CSTF3: variants seen among roughly 807,000 people sequenced by gnomAD.
CSTF3 encodes CF-1 77 kDa subunit.
CSTF3 carries 29 observed loss-of-function variants against 105.8 expected under a neutral mutation model. The observed-to-expected ratio is 0.27, with a 90% CI of 0.20 to 0.37. The LOEUF is 0.37. CSTF3 is among the 10% of genes least tolerant of loss of function. CSTF3 has a pLI of 1.00. For missense variants in CSTF3, 357 were observed against 879.3 expected, an observed-to-expected ratio of 0.41 and a Z score of 7.51; for synonymous variants, 252 against 281.9, an observed-to-expected ratio of 0.89 and a Z score of 1.06.
At chr11:33,114,810 C>G (rs913888457) in intron 3 of CSTF3, among the ~76,000 whole-genome samples, 2 of 151,806 alleles carry the variant, frequency 1.3e-5, no homozygotes, top group African/African-American at 4.8e-5. Context: ...GAGACTGCAC[C>G]ATTGCACTCC....
intron 3 of CSTF3, 67 bp from the exon 4 acceptor site, chr11:33,108,485 C>A: frequency 1.6e-6 from 2 of 1,243,938 alleles, no homozygotes; most frequent in Non-Finnish European, 1.1e-6. Context: ...AATTTTTGAC[C>A]AATTTTTAAC....
At chr11:33,123,330 A>T (rs187722231) in intron 3 of CSTF3, among the ~76,000 whole-genome samples, 2 of 152,298 alleles carry the variant, frequency 1.3e-5, no homozygotes, top group Admixed American at 1.3e-4. Context: ...TTTTTTACTT[A>T]TAAGTACTGG....
intron 3 of CSTF3, among the ~76,000 whole-genome samples, chr11:33,139,122 T>C (rs1469369270): frequency 3.3e-5 from 5 of 151,920 alleles, no homozygotes; most frequent in Admixed American, 6.6e-5. Context: ...TTCCAACTGA[T>C]GTTTCAAATT....
intron 3 of CSTF3, among the ~76,000 whole-genome samples, chr11:33,110,602 CA>C (rs1855370134): frequency 6.6e-6 from 1 of 152,114 alleles, no homozygotes; most frequent in African/African-American, 2.4e-5. Flanking sequence ...TCAGGAAAAC[CA>C]AAGCTACCCA....
chr11:33,094,403 C>A (rs1042351387), intron 15 of CSTF3, among the ~76,000 whole-genome samples: 5 of 152,130 alleles, frequency 3.3e-5, no homozygotes, highest in African/African-American at 1.2e-4. Flanking sequence ...AAACGTTTTT[C>A]TGGATCCTAT....
At chr11:33,097,665 C>T (rs1054502238) in intron 13 of CSTF3, among the ~76,000 whole-genome samples, 1 of 152,202 alleles carries the variant, frequency 6.6e-6, no homozygotes, top group East Asian at 1.9e-4. Context: ...CCGCGCCCAG[C>T]CTGCAATACA....
chr11:33,141,830 C>T, intron 2 of CSTF3, 55 bp downstream of exon 2: 1 of 1,571,868 alleles, frequency 6.4e-7, no homozygotes. Flanking sequence ...CACTGCAGAA[C>T]CAAGTAGTGT....
At chr11:33,161,272 C>A (rs527491652) in intron 1 of CSTF3, 27 bp downstream of exon 1, 1 of 1,612,642 alleles carries the variant, frequency 6.2e-7, no homozygotes, top group African/African-American at 1.3e-5. Context: ...GAGGTCGCCA[C>A]GAGGCCCCAC....
intron 5 of CSTF3, among the ~76,000 whole-genome samples, chr11:33,106,841 C>G (rs908242955): frequency 6.6e-6 from 1 of 152,050 alleles, no homozygotes; most frequent in African/African-American, 2.4e-5. Context: ...ATTTGTGGTT[C>G]TCTCATTAAT....
At chr11:33,127,320 A>G (rs1855553491) in intron 3 of CSTF3, among the ~76,000 whole-genome samples, 1 of 152,196 alleles carries the variant, frequency 6.6e-6, no homozygotes. Context: ...TTTTCACATA[A>G]TTACTAAGAA....
intron 8 of CSTF3, among the ~76,000 whole-genome samples, chr11:33,104,519 C>A (rs1447311759): frequency 6.6e-6 from 1 of 152,148 alleles, no homozygotes; most frequent in African/African-American, 2.4e-5. Flanking sequence ...TGCCTGTAAT[C>A]CCAACATTTT....
chr11:33,159,482 A>G (rs1257767807), intron 1 of CSTF3, among the ~76,000 whole-genome samples: 2 of 150,996 alleles, frequency 1.3e-5, no homozygotes, highest in African/African-American at 4.9e-5. Flanking sequence ...CTGTAATCCC[A>G]GCTACTGGGG....
intron 18 of CSTF3, 147 bp from the exon 19 acceptor site, chr11:33,086,136 G>T: frequency 2.4e-6 from 1 of 415,960 alleles, no homozygotes; most frequent in Non-Finnish European, 3.8e-6. Flanking sequence ...CCAAACCAAA[G>T]TGGGTGAGAC....
rs181743140 is a variant in CSTF3 at position 33,116,703 on chromosome 11, G to A, written c.226-8285C>T. On this transcript the variant is annotated intron_variant, in intron 3 of 20. Coordinates refer to ENST00000323959, the MANE Select transcript of CSTF3 (RefSeq NM_001326.3). ...GGTTTTCCTGGCAGGTAAACAATGA[G>A]GAAAGTTGAAAAAAGATGACTCATA... Among the ~76,000 whole-genome samples the A allele has an allele frequency of 7.2e-5, 11 of 152,244 alleles. No individual in the cohort carries two copies. In the East Asian group the frequency reaches 1.9e-3, roughly 27 times the overall value.
At chr11:33,137,602 T>C (rs1381499347) in intron 3 of CSTF3, among the ~76,000 whole-genome samples, 1 of 151,886 alleles carries the variant, frequency 6.6e-6, no homozygotes, top group Non-Finnish European at 1.5e-5. Flanking sequence ...TGTTTACAAG[T>C]ACTTTTTTCT....
chr11:33,118,610 T>C (rs1047012523), intron 3 of CSTF3, among the ~76,000 whole-genome samples: 1 of 151,850 alleles, frequency 6.6e-6, no homozygotes, highest in African/African-American at 2.4e-5. Flanking sequence ...TCATCTCCCC[T>C]GTCTCTCCTC....
At chr11:33,114,350 TG>T (rs1855409798) in intron 3 of CSTF3, among the ~76,000 whole-genome samples, 1 of 152,148 alleles carries the variant, frequency 6.6e-6, no homozygotes, top group Non-Finnish European at 1.5e-5. Flanking sequence ...GAAATGCTGA[TG>T]TAAGTGCCGA....
chr11:33,093,503 A>C (rs1855188813), intron 15 of CSTF3, among the ~76,000 whole-genome samples: 1 of 152,194 alleles, frequency 6.6e-6, no homozygotes, highest in Admixed American at 6.5e-5. Context: ...CAGCAATATA[A>C]TACAAGCCAC....
intron 3 of CSTF3, among the ~76,000 whole-genome samples, chr11:33,137,632 A>G (rs1855668915): frequency 6.6e-6 from 1 of 151,866 alleles, no homozygotes; most frequent in Non-Finnish European, 1.5e-5. Context: ...TCTCTATTCT[A>G]CATTTATATA....
Sources: gnomAD v4.1 joint callset for allele counts (sites outside exome capture counted in the v4.1 genomes callset) on GRCh38, gnomAD v4.1.1 for gene constraint, MANE v1.5 for transcripts, NCBI Gene and HGNC (gene_info 2026-07-23, HGNC 2026-07-21) for gene names.